CADM1: variants seen among roughly 807,000 people sequenced by gnomAD.
The protein encoded by CADM1 is TSLC-1.
Under a neutral mutation model 53.1 loss-of-function variants are expected in CADM1, and 15 were observed. That is an observed-to-expected ratio of 0.28 (90% confidence interval 0.19 to 0.44). The LOEUF is 0.44. CADM1 is among the 20% of genes least tolerant of loss of function. The pLI is 1.00. For missense variants in CADM1, 434 were observed against 611.3 expected (o/e 0.71, Z 3.06); for synonymous variants, 281 against 243.0 (o/e 1.16, Z -1.45).
chr11:115,212,653 G>A (rs1941014723), intron 7 of CADM1, among the ~76,000 whole-genome samples: 1 of 152,212 alleles, frequency 6.6e-6, no homozygotes. Flanking sequence ...CTACTGGAAA[G>A]CAGTGAGAAT....
chr11:115,460,895 C>G (rs982632821), intron 1 of CADM1, among the ~76,000 whole-genome samples: 2 of 152,040 alleles, frequency 1.3e-5, no homozygotes, highest in South Asian at 4.1e-4. Context: ...CTTTCAAGTA[C>G]GGATTAATTT....
At chr11:115,315,138 A>G (rs1478735805) in intron 1 of CADM1, among the ~76,000 whole-genome samples, 1 of 152,128 alleles carries the variant, frequency 6.6e-6, no homozygotes, top group Non-Finnish European at 1.5e-5. Context: ...ACTAAAATCA[A>G]TTTCCTACGC....
rs756152332 is a variant in CADM1 at position 115,504,391 on chromosome 11, C to T, written c.4G>A (p.Ala2Thr). M[A>T]SVVLPSGSQC... ...GATCCGCTCGGCAGCACTACACTCG[C>T]CATGTCGGGCACCTGCCTCAGACTG... is the stretch of plus-strand genomic sequence containing the variant. The change falls in exon 1 of 12, where the codon GCG (alanine) becomes ACG (threonine). Residue 2 changes from alanine (A) to threonine (T), a missense_variant. Transcript: ENST00000331581. 5.4e-5 allele frequency: 84 copies of T among 1,545,760 alleles called. No homozygotes were observed. Among genetic ancestry groups the T allele is most frequent in the Non-Finnish European group, 1.5e-5 (17 of 1,146,064 alleles).
chr11:115,407,745 G>A (rs1477642566), intron 1 of CADM1, among the ~76,000 whole-genome samples: 1 of 151,524 alleles, frequency 6.6e-6, no homozygotes, highest in Non-Finnish European at 1.5e-5. Context: ...GGTGTGTGCC[G>A]TTTGGTCCTA....
At chr11:115,250,393 T>C (rs1942564222) in intron 1 of CADM1, among the ~76,000 whole-genome samples, 1 of 152,178 alleles carries the variant, frequency 6.6e-6, no homozygotes, top group South Asian at 2.1e-4. Flanking sequence ...TTCAGCTCAC[T>C]AAAAGCTGGG....
At chr11:115,335,183 G>A (rs1023558286) in intron 1 of CADM1, among the ~76,000 whole-genome samples, 2 of 152,100 alleles carry the variant, frequency 1.3e-5, no homozygotes, top group Admixed American at 6.6e-5. Context: ...AGTTCATAAT[G>A]TCAGGATCAC....
At chr11:115,368,014 G>A (rs1946212383) in intron 1 of CADM1, among the ~76,000 whole-genome samples, 1 of 147,482 alleles carries the variant, frequency 6.8e-6, no homozygotes, top group Non-Finnish European at 1.5e-5. Flanking sequence ...GCATATTATA[G>A]AACATATTTA....
intron 1 of CADM1, among the ~76,000 whole-genome samples, chr11:115,348,685 C>T (rs1442838872): frequency 6.6e-6 from 1 of 152,212 alleles, no homozygotes; most frequent in African/African-American, 2.4e-5. Flanking sequence ...TTTGCTGCCA[C>T]TGAGACGCAA....
intron 1 of CADM1, chr11:115,240,664 C>T (rs1942196789): frequency 1.9e-6 from 1 of 538,762 alleles, no homozygotes; most frequent in Non-Finnish European, 3.3e-6. Flanking sequence ...CAAAAGGTTT[C>T]AGCCTCTAGT....
At chr11:115,452,287 C>A (rs1266657820) in intron 1 of CADM1, among the ~76,000 whole-genome samples, 1 of 152,070 alleles carries the variant, frequency 6.6e-6, no homozygotes, top group Non-Finnish European at 1.5e-5. Flanking sequence ...ATTATGTGAA[C>A]CAGACTTTTG....
intron 1 of CADM1, among the ~76,000 whole-genome samples, chr11:115,367,256 C>T (rs1946188455): frequency 6.6e-6 from 1 of 152,164 alleles, no homozygotes; most frequent in African/African-American, 2.4e-5. Flanking sequence ...TAAGAATTTC[C>T]AAGACTTCTC....
intron 1 of CADM1, among the ~76,000 whole-genome samples, chr11:115,243,868 T>A (rs1048044216): frequency 6.6e-6 from 1 of 152,190 alleles, no homozygotes; most frequent in African/African-American, 2.4e-5. Flanking sequence ...AAACAGGACA[T>A]GTTCTGGGCA....
chr11:115,419,560 AG>A (rs750349865), intron 1 of CADM1, among the ~76,000 whole-genome samples: 21 of 152,166 alleles, frequency 1.4e-4, no homozygotes, highest in Non-Finnish European at 2.5e-4. Flanking sequence ...AGTTTGCAAA[AG>A]TCTCCCAGTT....
chr11:115,330,187 G>A (rs1030577165), intron 1 of CADM1, among the ~76,000 whole-genome samples: 1 of 151,820 alleles, frequency 6.6e-6, no homozygotes, highest in Non-Finnish European at 1.5e-5. Flanking sequence ...TCAACTGGAT[G>A]AATTTTCTAA....
At chr11:115,494,620 A>G (rs1949570811) in intron 1 of CADM1, among the ~76,000 whole-genome samples, 1 of 152,170 alleles carries the variant, frequency 6.6e-6, no homozygotes, top group Admixed American at 6.5e-5. Context: ...ATGACTGAGT[A>G]CATCCTGAAT....
intron 1 of CADM1, among the ~76,000 whole-genome samples, chr11:115,430,269 G>A (rs980534200): frequency 1.3e-5 from 2 of 152,138 alleles, no homozygotes; most frequent in South Asian, 2.1e-4. Context: ...CCAGCTAAAG[G>A]TGGAGGAACT....
intron 1 of CADM1, among the ~76,000 whole-genome samples, chr11:115,294,580 C>T (rs573973929): frequency 6.6e-6 from 1 of 152,262 alleles, no homozygotes; most frequent in Non-Finnish European, 1.5e-5. Context: ...TCCAATTCCT[C>T]CTTTGCTTCC....
At chr11:115,238,427 A>G in intron 3 of CADM1, 73 bp downstream of exon 3, 3 of 1,478,668 alleles carry the variant, frequency 2.0e-6, no homozygotes, top group South Asian at 1.1e-5. Flanking sequence ...TTCACCATTA[A>G]CCTTTTCCTT....
intron 1 of CADM1, among the ~76,000 whole-genome samples, chr11:115,502,195 G>C (rs1949741668): frequency 6.6e-6 from 1 of 152,188 alleles, no homozygotes; most frequent in South Asian, 2.1e-4. Flanking sequence ...GCTACTACCC[G>C]GTGCCTTCAA....
Sources: allele counts gnomAD v4.1 joint callset (sites outside exome capture counted in the v4.1 genomes callset), GRCh38; gene constraint gnomAD v4.1.1; transcripts MANE v1.5; gene names NCBI Gene and HGNC (gene_info 2026-07-23, HGNC 2026-07-21).